Variants in SRP68 observed in about 807,000 individuals in gnomAD.
SRP68 encodes signal recognition particle 68.
SRP68 carries 15 observed loss-of-function variants against 82.2 expected under a neutral mutation model. The ratio of observed to expected loss-of-function variants is 0.18; its 90% CI spans 0.12 to 0.28. The LOEUF is 0.28. SRP68 is among the 10% of genes least tolerant of loss of function. The probability of loss-of-function intolerance (pLI) is 1.00; values close to 1 mark genes in which losing one functional copy is unlikely to be tolerated. For synonymous variants in SRP68, 261 were observed against 292.6 expected, an observed-to-expected ratio of 0.89 and a Z score of 1.10; for missense variants, 595 against 780.5, an observed-to-expected ratio of 0.76 and a Z score of 2.83.
At chr17:76,056,288 G>T (rs778254063) in intron 8 of SRP68, among the ~76,000 whole-genome samples, 1 of 152,130 alleles carries the variant, frequency 6.6e-6, no homozygotes, top group Non-Finnish European at 1.5e-5. Flanking sequence ...GCACTGAACT[G>T]AGGACAGAAG....
chr17:76,070,850 GCACACACACA>G lies in SRP68; in HGVS notation c.185-416_185-407del, dbSNP rs71891783. Among the ~76,000 whole-genome samples, 528 of 146,890 alleles carry G rather than the reference GCACACACACA, an allele frequency of 3.6e-3. 4 individuals are homozygous for G. Among genetic ancestry groups the G allele is most frequent in the African/African-American group, 0.013 (511 of 39,906 alleles). ...GTGAGATTCAGTCACACATGCACAT[GCACACACACA>G]CACACACACACACACACACAAATTT... On this transcript the variant is annotated intron_variant, in intron 1 of 15. Coordinates refer to ENST00000307877, the MANE Select transcript of SRP68 (RefSeq NM_014230.4).
chr17:76,059,789 CAAAAAA>C (rs35942880), intron 7 of SRP68, among the ~76,000 whole-genome samples: 1 of 87,942 alleles, frequency 1.1e-5, no homozygotes, highest in Admixed American at 1.3e-4. Flanking sequence ...AAGACTGTCT[CAAAAAA>C]AAAAAAAAAA....
chr17:76,060,849 T>C (rs1019220034), intron 6 of SRP68: 1 of 430,628 alleles, frequency 2.3e-6, no homozygotes, highest in African/African-American at 2.0e-5. Flanking sequence ...CAGTAAAAAA[T>C]GAACTCAGCC....
rs34472995 is a variant in SRP68 at position 76,053,265 on chromosome 17, CAA to C, written c.979-2741_979-2740del. 1.3e-3 allele frequency among the ~76,000 whole-genome samples: 108 copies of C among 82,522 alleles called. 1 individual carries two copies. The highest frequency in any genetic ancestry group is 3.3e-3 in the African/African-American group (67 of 20,190). The allele number at this position is 82,522 out of a possible 152,430, so 54.1% of individuals were successfully genotyped here. A position where few individuals can be genotyped will look rare whatever the true frequency, so the allele number is the denominator to read the frequency against. On this transcript the variant is annotated intron_variant, in intron 8 of 15. Transcript: ENST00000307877. Reference sequence around the variant, plus strand: ...TGGGTGACAGGGTGAGACCCTGTCTCAAAAAAAAAAAAAAAAAAAAGAAACAC... The same window carrying C: ...TGGGTGACAGGGTGAGACCCTGTCTCAAAAAAAAAAAAAAAAAAGAAACAC...
rs958194885 is a variant in SRP68, at chr17:76,043,734, T to C, written c.1524+95A>G. On this transcript the variant is annotated intron_variant, in intron 13 of 15. Transcript: ENST00000307877. ...CACGGGCAGCCAGGGAGGACCAGCC[T>C]GAGGTGGCGCCCAGCTGTTGTACCC... 2.2e-6 allele frequency: 3 copies of C among 1,389,424 alleles called. No individual in the cohort carries two copies. In the African/African-American group the frequency reaches 4.5e-5, roughly 21 times the overall value. The allele number at this position is 1,389,424 out of a possible 1,614,324, so 86.1% of individuals were successfully genotyped here.
Position 76,064,087 on chromosome 17 carries a change from T to C in SRP68, c.450A>G (p.Arg150=), listed in dbSNP as rs58471646. 0.013 allele frequency: 21,493 copies of C among 1,614,168 alleles called. 2,316 individuals are homozygous for C. The African/African-American group carries it at 0.24, about 18-fold the overall frequency. ...QLKQEANTEP[R]KRFHLLSRLR... ...GGCGAGATAACAAGTGAAACCGTTT[T>C]CGGGGTTCAGTGTTGGCTTCCTGTT... Residue 150 remains arginine (R), a synonymous_variant, in exon 4 of 16, where the codon CGA becomes CGG. Coordinates refer to ENST00000307877, the MANE Select transcript of SRP68 (RefSeq NM_014230.4).
At chr17:76,045,253 G>A in intron 12 of SRP68, 39 bp downstream of exon 12, 1 of 1,516,500 alleles carries the variant, frequency 6.6e-7, no homozygotes, top group East Asian at 2.3e-5. Context: ...TATAGAACCT[G>A]GGAGGCGGAG....
intron 3 of SRP68, 49 bp downstream of exon 3, chr17:76,067,168 A>T: frequency 7.4e-7 from 1 of 1,342,522 alleles, no homozygotes; most frequent in Non-Finnish European, 1.1e-6. Flanking sequence ...ATTGTTCAAT[A>T]AATGTATTAG....
chr17:76,064,825 G>C (rs998218691), intron 3 of SRP68, among the ~76,000 whole-genome samples: 2 of 145,128 alleles, frequency 1.4e-5, no homozygotes. Flanking sequence ...TGGGCAACAG[G>C]GCAAGACTCC....
At chr17:76,041,801 A>C (rs946761285) in intron 13 of SRP68, among the ~76,000 whole-genome samples, 1 of 151,816 alleles carries the variant, frequency 6.6e-6, no homozygotes, top group Admixed American at 6.6e-5. Context: ...GAAGGCAGAG[A>C]GCTTCTTCTC....
chr17:76,047,619 A>G (rs1395027720), intron 10 of SRP68, among the ~76,000 whole-genome samples: 3 of 151,964 alleles, frequency 2.0e-5, no homozygotes, highest in African/African-American at 7.3e-5. Context: ...TCCCATCTCT[A>G]CAAAACAAAT....
chr17:76,061,259 A>G (rs765428164), intron 5 of SRP68, 40 bp from the exon 6 acceptor site: 18 of 1,416,030 alleles, frequency 1.3e-5, no homozygotes, highest in East Asian at 6.8e-5. Context: ...TCAGCCTTAT[A>G]TAAGAAAAAC....
chr17:76,066,705 G>A (rs186319702), intron 3 of SRP68, among the ~76,000 whole-genome samples: 40 of 148,818 alleles, frequency 2.7e-4, no homozygotes, highest in African/African-American at 9.4e-4. Flanking sequence ...GGGCTCCAAA[G>A]CTGAGACAGT....
At position 76,072,028 on chromosome 17, in the gene SRP68, C is replaced by G. The variant is rs2066856599; in HGVS notation, c.184+280G>C. On this transcript the variant is annotated intron_variant, in intron 1 of 15. Coordinates refer to ENST00000307877, the MANE Select transcript of SRP68 (RefSeq NM_014230.4). The surrounding 1 kb of genome is among the most constrained non-coding windows in gnomAD (Gnocchi z 4.5). ...TCAAGGTGTCACTTGGTCACAAGCCCTCCAACTGGACAACTGCGGGGCACC... is the reference window on the plus strand; with the variant it reads ...TCAAGGTGTCACTTGGTCACAAGCCGTCCAACTGGACAACTGCGGGGCACC... 1 of 560,834 alleles carries G rather than the reference C, an allele frequency of 1.8e-6. No homozygotes were observed. Among genetic ancestry groups the G allele is most frequent in the South Asian group, 2.1e-5 (1 of 46,536 alleles). 34.7% of individuals were successfully genotyped at this position (560,834 alleles called of 1,614,324 possible).
intron 8 of SRP68, 69 bp from the exon 9 acceptor site, chr17:76,050,595 G>C: frequency 9.1e-7 from 1 of 1,096,546 alleles, no homozygotes; most frequent in Non-Finnish European, 1.4e-6. Context: ...TGGGAGAGGA[G>C]CAAAATCGCA....
chr17:76,047,881 GT>G (rs2066643216), intron 10 of SRP68, 24 bp downstream of exon 10: 1 of 1,323,822 alleles, frequency 7.6e-7, no homozygotes, highest in Admixed American at 2.4e-5. Flanking sequence ...ATATTAAAAA[GT>G]AAAAAAATTA....
At position 76,072,428 on chromosome 17, in the gene SRP68, TGCCACCGCC is replaced by T. The variant is rs2066861779; in HGVS notation, c.55_63del (p.Gly19_Gly21del). On this transcript the variant is annotated inframe_deletion, in exon 1 of 16. Transcript: ENST00000307877. The surrounding 1 kb of genome is among the most constrained non-coding windows in gnomAD (Gnocchi z 4.5). ...CCACCGCCGCTACCGCCGCCGCCAC[TGCCACCGCC>T]GCCGCCACTGCCGCCGCCGCCGCCG... The T allele has an allele frequency of 6.3e-7, 1 of 1,585,076 alleles. No homozygotes were observed. The highest frequency in any genetic ancestry group is 1.4e-5 in the African/African-American group (1 of 73,662).
chr17:76,046,670 A>G (rs2598433), intron 10 of SRP68, among the ~76,000 whole-genome samples: 82,165 of 151,664 alleles, frequency 0.54, 25,092 homozygotes, highest in African/African-American at 0.84. Context: ...GGCCAGGGGC[A>G]GTGGCTCCCA....
At chr17:76,058,753 T>C (rs1321388551) in intron 7 of SRP68, among the ~76,000 whole-genome samples, 1 of 152,240 alleles carries the variant, frequency 6.6e-6, no homozygotes, top group Non-Finnish European at 1.5e-5. Context: ...TTTGTCAGTA[T>C]GTATCAAGTT....
Sources: gnomAD v4.1 joint callset for allele counts (sites outside exome capture counted in the v4.1 genomes callset) on GRCh38, gnomAD v4.1.1 for gene constraint, Gnocchi (gnomAD v3.1) non-coding constraint, MANE v1.5 for transcripts, NCBI Gene and HGNC (gene_info 2026-07-23, HGNC 2026-07-21) for gene names.